Variants in RBFOX1 observed in about 807,000 individuals in gnomAD.
RBFOX1 encodes the protein RNA binding fox-1 homolog 1.
Under a neutral mutation model 57.7 loss-of-function variants are expected in RBFOX1, and 8 were observed. That is an observed-to-expected ratio of 0.14 (90% confidence interval 0.08 to 0.25). The LOEUF (loss-of-function observed/expected upper bound fraction) is 0.25, where lower values mean the gene tolerates loss of function less well. RBFOX1 is among the 10% of genes least tolerant of loss of function. The probability of loss-of-function intolerance (pLI) is 1.00; values close to 1 mark genes in which losing one functional copy is unlikely to be tolerated. For synonymous variants in RBFOX1, 326 were observed against 222.4 expected (o/e 1.47, Z -4.15); for missense variants, 611 against 548.5 (o/e 1.11, Z -1.14).
chr16:5,865,001 T>C (rs777612294), intron 3 of RBFOX1, among the ~76,000 whole-genome samples: 3 of 152,286 alleles, frequency 2.0e-5, no homozygotes, highest in Non-Finnish European at 4.4e-5. Context: ...TATTTCCCTA[T>C]GGTAGATGCG....
chr16:6,581,705 C>G (rs758852447), intron 2 of RBFOX1, among the ~76,000 whole-genome samples: 3 of 152,202 alleles, frequency 2.0e-5, no homozygotes, highest in Admixed American at 6.5e-5. Flanking sequence ...TGCTTAGCTC[C>G]TTAATGAGGG....
intron 3 of RBFOX1, among the ~76,000 whole-genome samples, chr16:5,811,706 C>T (rs1288048945): frequency 6.6e-6 from 1 of 152,120 alleles, no homozygotes; most frequent in Non-Finnish European, 1.5e-5. Flanking sequence ...GCCTTGGCCT[C>T]CCAAAGTGCT....
At chr16:5,541,774 A>G (rs1274268890) in intron 2 of RBFOX1, among the ~76,000 whole-genome samples, 1 of 152,208 alleles carries the variant, frequency 6.6e-6, no homozygotes, top group Non-Finnish European at 1.5e-5. Context: ...TATTTAAACA[A>G]GGAGTTGTAT....
chr16:6,537,127 T>C (rs1273708151), intron 2 of RBFOX1, among the ~76,000 whole-genome samples: 1 of 152,020 alleles, frequency 6.6e-6, no homozygotes, highest in African/African-American at 2.4e-5. Flanking sequence ...TTCTCAAGCT[T>C]TTAGTGAGCA....
intron 3 of RBFOX1, among the ~76,000 whole-genome samples, chr16:6,666,750 G>C (rs1197174282): frequency 2.0e-5 from 3 of 152,070 alleles, no homozygotes; most frequent in Admixed American, 6.6e-5. Flanking sequence ...TGACTTACGA[G>C]AGTTATTGCA....
intron 4 of RBFOX1, among the ~76,000 whole-genome samples, chr16:7,097,731 C>T (rs533011574): frequency 6.2e-4 from 95 of 152,214 alleles, no homozygotes; most frequent in African/African-American, 2.2e-3. Context: ...TTCACAGATG[C>T]TGAGTCAGCA....
At chr16:5,829,608 C>A (rs950498816) in intron 3 of RBFOX1, among the ~76,000 whole-genome samples, 2 of 152,084 alleles carry the variant, frequency 1.3e-5, no homozygotes, top group Non-Finnish European at 2.9e-5. Flanking sequence ...CCTTTTCTTT[C>A]TCTCTTCAGT....
intron 3 of RBFOX1, among the ~76,000 whole-genome samples, chr16:6,720,362 C>A (rs1384833111): frequency 2.0e-5 from 3 of 152,160 alleles, no homozygotes; most frequent in Admixed American, 1.3e-4. Flanking sequence ...CTCAGTCTTC[C>A]TAGCCATGCT....
intron 3 of RBFOX1, among the ~76,000 whole-genome samples, chr16:7,047,173 A>C (rs1437084016): frequency 6.6e-6 from 1 of 151,772 alleles, no homozygotes; most frequent in Non-Finnish European, 1.5e-5. Flanking sequence ...TGTTGTTTGA[A>C]GTTTCCTTCA....
At chr16:7,044,739 C>A (rs937911827) in intron 3 of RBFOX1, among the ~76,000 whole-genome samples, 1 of 152,116 alleles carries the variant, frequency 6.6e-6, no homozygotes, top group African/African-American at 2.4e-5. Context: ...AATGAAATGA[C>A]ATTTGATAAA....
chr16:5,414,540 A>T (rs1465365084), intron 1 of RBFOX1, among the ~76,000 whole-genome samples: 16 of 152,284 alleles, frequency 1.1e-4, no homozygotes, highest in Non-Finnish European at 1.5e-5. Context: ...GGGCTGCTGT[A>T]GGCCTTATGG....
intron 1 of RBFOX1, among the ~76,000 whole-genome samples, chr16:5,409,009 G>T (rs937273536): frequency 2.0e-5 from 3 of 152,202 alleles, no homozygotes; most frequent in Admixed American, 6.5e-5. Flanking sequence ...TATACAAACT[G>T]TATCGGCGGG....
intron 4 of RBFOX1, among the ~76,000 whole-genome samples, chr16:7,208,952 A>G (rs188948481): frequency 6.6e-6 from 1 of 151,896 alleles, no homozygotes; most frequent in African/African-American, 2.4e-5. Context: ...TTCATGAGGG[A>G]CCCATCTACT....
At chr16:7,000,708 C>T (rs1329249292) in intron 3 of RBFOX1, among the ~76,000 whole-genome samples, 2 of 145,122 alleles carry the variant, frequency 1.4e-5, no homozygotes, top group Admixed American at 7.3e-5. Context: ...GGGTTCATGC[C>T]ATTCTCCTGC....
At chr16:7,080,957 C>A (rs1377421724) in intron 4 of RBFOX1, among the ~76,000 whole-genome samples, 1 of 152,182 alleles carries the variant, frequency 6.6e-6, no homozygotes, top group East Asian at 1.9e-4. Context: ...CCTTTAGTAA[C>A]TAAAGCTCTG....
intron 2 of RBFOX1, among the ~76,000 whole-genome samples, chr16:6,539,670 C>T (rs1053417971): frequency 1.3e-5 from 2 of 152,050 alleles, no homozygotes; most frequent in African/African-American, 2.4e-5. Context: ...TGGTGGCCAG[C>T]ACCTGTAGTC....
chr16:5,649,063 CA>C (rs199712535), intron 3 of RBFOX1, among the ~76,000 whole-genome samples: 3 of 145,340 alleles, frequency 2.1e-5, no homozygotes, highest in Middle Eastern at 3.6e-3. Flanking sequence ...GACTCTGTAT[CA>C]AAAAAAAATA....
At chr16:7,477,777 A>G (rs2063046815) in intron 4 of RBFOX1, among the ~76,000 whole-genome samples, 1 of 152,142 alleles carries the variant, frequency 6.6e-6, no homozygotes, top group Admixed American at 6.6e-5. Context: ...TTCTCTTCCC[A>G]TAACCACACA....
At chr16:6,724,603 A>G (rs2066752202) in intron 3 of RBFOX1, among the ~76,000 whole-genome samples, 1 of 152,164 alleles carries the variant, frequency 6.6e-6, no homozygotes, top group South Asian at 2.1e-4. Context: ...CTATAAGAAA[A>G]TAAATTTCTG....
Sources: gnomAD v4.1 joint callset for allele counts (sites outside exome capture counted in the v4.1 genomes callset) on GRCh38, gnomAD v4.1.1 for gene constraint, MANE v1.5 for transcripts, NCBI Gene and HGNC (gene_info 2026-07-23, HGNC 2026-07-21) for gene names.